Variants in NIN observed in about 807,000 individuals in gnomAD.
NIN encodes ninein.
A neutral mutation model predicts 257.6 loss-of-function variants in NIN; 137 were observed. The ratio of observed to expected loss-of-function variants is 0.53; its 90% CI spans 0.46 to 0.61. NIN has a LOEUF of 0.61. NIN is among the 20% of genes least tolerant of loss of function. The pLI is 0.00. For missense variants in NIN, 2,439 were observed against 2,501.2 expected (o/e 0.98, Z 0.53); for synonymous variants, 918 against 919.8 (o/e 1.00, Z 0.04).
At chr14:50,726,151 G>T in intron 29 of NIN, 85 bp from the exon 30 acceptor site, 3 of 1,060,192 alleles carry the variant, frequency 2.8e-6, no homozygotes, top group Non-Finnish European at 4.2e-6. Context: ...CCTAGAGAAA[G>T]GACAGCAAAT....
intron 28 of NIN, among the ~76,000 whole-genome samples, chr14:50,732,979 G>C (rs2040794196): frequency 1.3e-5 from 2 of 152,058 alleles, no homozygotes; most frequent in Admixed American, 1.3e-4. Flanking sequence ...GAGGTGGGAG[G>C]ATTGCTTGAG....
chr14:50,728,132 T>C (rs1431288087), intron 29 of NIN, among the ~76,000 whole-genome samples: 2 of 152,010 alleles, frequency 1.3e-5, no homozygotes, highest in Non-Finnish European at 2.9e-5. Context: ...TTTTTAACAT[T>C]GGTGGGTGGG....
intron 5 of NIN, among the ~76,000 whole-genome samples, chr14:50,786,690 T>G (rs911136937): frequency 6.6e-6 from 1 of 151,364 alleles, no homozygotes; most frequent in African/African-American, 2.4e-5. Context: ...ATAAATGGCA[T>G]CAGCAATAAA....
intron 16 of NIN, among the ~76,000 whole-genome samples, chr14:50,761,118 G>C (rs561054710): frequency 6.6e-6 from 1 of 152,168 alleles, no homozygotes; most frequent in Non-Finnish European, 1.5e-5. Context: ...AAGTACAGTA[G>C]GAGGCAGAAA....
At chr14:50,765,278 T>C (rs1244911941) in intron 14 of NIN, among the ~76,000 whole-genome samples, 3 of 152,046 alleles carry the variant, frequency 2.0e-5, no homozygotes, top group Non-Finnish European at 2.9e-5. Flanking sequence ...ACTGGGGGAA[T>C]TTCTGAAGGT....
intron 15 of NIN, among the ~76,000 whole-genome samples, chr14:50,763,186 G>A (rs1566820275): frequency 6.6e-6 from 1 of 152,008 alleles, no homozygotes; most frequent in Admixed American, 6.5e-5. Context: ...CTGATTATGA[G>A]CTGTCTCTGA....
At chr14:50,736,870 G>A (rs1206214421) in intron 27 of NIN, among the ~76,000 whole-genome samples, 9 of 152,012 alleles carry the variant, frequency 5.9e-5, no homozygotes. Flanking sequence ...TTATAAAGAG[G>A]TAATAGTGAA....
At chr14:50,811,195 A>G (rs549005450) in intron 3 of NIN, among the ~76,000 whole-genome samples, 368 of 135,962 alleles carry the variant, frequency 2.7e-3, no homozygotes, top group African/African-American at 9.7e-3. Context: ...TGCAACCTCC[A>G]CCTCCCGGGT....
chr14:50,747,549 C>A (rs780452147), intron 22 of NIN, among the ~76,000 whole-genome samples: 3 of 152,080 alleles, frequency 2.0e-5, no homozygotes, highest in Non-Finnish European at 4.4e-5. Flanking sequence ...GCCTGGCCAA[C>A]ATGGCAAAAC....
intron 3 of NIN, among the ~76,000 whole-genome samples, chr14:50,810,498 C>T (rs1313411388): frequency 6.6e-6 from 1 of 151,920 alleles, no homozygotes; most frequent in Non-Finnish European, 1.5e-5. Context: ...TTGAGACCAG[C>T]CTGATAACAC....
In NIN at chr14:50,754,555, T is replaced by A; in HGVS notation, c.4734+8A>T. On this transcript the variant is annotated splice_region_variant and intron_variant, in intron 20 of 30. Coordinates refer to ENST00000530997, the MANE Select transcript of NIN (RefSeq NM_020921.4). ...AAAAACATTGAGAAATATTAAGTAT[T>A]TCCTTACCTGTTTCTTTAAATTTTC... is the stretch of plus-strand genomic sequence containing the variant. The A allele has an allele frequency of 6.3e-7, 1 of 1,592,964 alleles. No homozygotes were observed. The highest frequency in any genetic ancestry group is 8.5e-7 in the Non-Finnish European group (1 of 1,170,876).
At chr14:50,765,297 C>A (rs2141708012) in intron 14 of NIN, among the ~76,000 whole-genome samples, 1 of 152,198 alleles carries the variant, frequency 6.6e-6, no homozygotes, top group Non-Finnish European at 1.5e-5. Context: ...GTAGAGCTGA[C>A]AGCTTTTACT....
At chr14:50,799,274 A>G (rs1295944919) in intron 4 of NIN, among the ~76,000 whole-genome samples, 1 of 152,186 alleles carries the variant, frequency 6.6e-6, no homozygotes, top group Non-Finnish European at 1.5e-5. Context: ...TAGGCGCTTC[A>G]TGGAGTAAGG....
chr14:50,794,492 C>G, intron 4 of NIN: 1 of 999,182 alleles, frequency 1.0e-6, no homozygotes, highest in Non-Finnish European at 1.2e-6. Flanking sequence ...CCCAGACACC[C>G]GAGCTACTTG....
chr14:50,773,108 C>T lies in NIN; in HGVS notation c.667-13G>A, dbSNP rs772423740. 1 of 1,606,072 alleles carries T rather than the reference C, an allele frequency of 6.2e-7. No individual in the cohort carries two copies. The highest frequency in any genetic ancestry group is 1.1e-5 in the South Asian group (1 of 90,338). On this transcript the variant is annotated splice_polypyrimidine_tract_variant and intron_variant, in intron 7 of 30. Transcript: ENST00000530997. ...CTTCCTCGAGCATCTAGAAAAGAGT[C>T]ATCACATATTTTAAATACTCCATTC...
At chr14:50,749,155 T>C (rs2140656490) in intron 21 of NIN, among the ~76,000 whole-genome samples, 1 of 151,880 alleles carries the variant, frequency 6.6e-6, no homozygotes, top group African/African-American at 2.4e-5. Flanking sequence ...GAAATAACAC[T>C]ACACATCTGC....
chr14:50,826,435 A>G (rs2045462095), intron 2 of NIN, among the ~76,000 whole-genome samples: 1 of 152,218 alleles, frequency 6.6e-6, no homozygotes, highest in African/African-American at 2.4e-5. Flanking sequence ...CCATAATGAC[A>G]ATTATTCTGA....
At position 50,763,422 on chromosome 14, in the gene NIN, C is replaced by G. The variant is rs767928759; in HGVS notation, c.1774+404G>C. On this transcript the variant is annotated intron_variant, in intron 15 of 30. Coordinates refer to ENST00000530997, the MANE Select transcript of NIN (RefSeq NM_020921.4). Reference sequence around the variant, plus strand: ...AAACCAGCTATGGATTCTGTAGTATCTGGCTGGCCTGCTCTCCAAAACCAT... The same window carrying G: ...AAACCAGCTATGGATTCTGTAGTATGTGGCTGGCCTGCTCTCCAAAACCAT... Among the ~76,000 whole-genome samples, 2 of 152,228 alleles carry G rather than the reference C, an allele frequency of 1.3e-5. 1 individual carries two copies. The highest frequency in any genetic ancestry group is 4.1e-4 in the South Asian group (2 of 4,834).
intron 22 of NIN, 31 bp from the exon 23 acceptor site, chr14:50,744,396 T>A: frequency 6.2e-7 from 1 of 1,610,284 alleles, no homozygotes; most frequent in Non-Finnish European, 8.5e-7. Context: ...AGCCCTCCCA[T>A]CACATCTCAT....
Sources: gnomAD v4.1 joint callset for allele counts (sites outside exome capture counted in the v4.1 genomes callset) on GRCh38, gnomAD v4.1.1 for gene constraint, MANE v1.5 for transcripts, NCBI Gene and HGNC (gene_info 2026-07-23, HGNC 2026-07-21) for gene names.